The following GRM8 variants were observed in gnomAD, a reference collection of about 807,000 sequenced individuals.
GRM8 encodes metabotropic glutamate receptor 8.
In GRM8, 47 loss-of-function variants were observed where a neutral mutation model predicts 87.2. The observed-to-expected ratio is 0.54, with a 90% confidence interval of 0.43 to 0.69. The LOEUF (loss-of-function observed/expected upper bound fraction) is 0.69, where lower values mean the gene tolerates loss of function less well. GRM8 is among the 30% of genes least tolerant of loss of function. GRM8 has a pLI of 0.00. For missense variants in GRM8, 1,019 were observed against 1,139.2 expected (o/e 0.89, Z 1.52); for synonymous variants, 396 against 404.5 (o/e 0.98, Z 0.25).
chr7:126,576,373 C>T (rs1359938418), intron 8 of GRM8, among the ~76,000 whole-genome samples: 2 of 152,134 alleles, frequency 1.3e-5, no homozygotes, highest in African/African-American at 2.4e-5. Context: ...ACCTCCACCT[C>T]CTGGCCTCAA....
chr7:127,210,115 A>G (rs533044113), intron 2 of GRM8, among the ~76,000 whole-genome samples: 1 of 152,356 alleles, frequency 6.6e-6, no homozygotes, highest in South Asian at 2.1e-4. Context: ...GTTAACCTAG[A>G]TAGGCAGAAT....
intron 9 of GRM8, among the ~76,000 whole-genome samples, chr7:126,477,822 T>C (rs988662051): frequency 6.6e-6 from 1 of 152,164 alleles, no homozygotes; most frequent in Admixed American, 6.6e-5. Flanking sequence ...TCTAACAAAT[T>C]CACACAAACT....
At chr7:127,071,447 G>A (rs1351803643) in intron 3 of GRM8, among the ~76,000 whole-genome samples, 2 of 152,154 alleles carry the variant, frequency 1.3e-5, no homozygotes, top group African/African-American at 4.8e-5. Context: ...CTTTGTGCAT[G>A]GATGTCATTA....
chr7:126,587,638 T>C (rs1796273468), intron 8 of GRM8, among the ~76,000 whole-genome samples: 1 of 130,156 alleles, frequency 7.7e-6, no homozygotes, highest in Admixed American at 9.3e-5. Context: ...TGAGAACACT[T>C]GGACACAGGA....
chr7:126,922,636 A>AGTGGAAGTGGGGATGATATGGT (rs1329154642), intron 3 of GRM8, among the ~76,000 whole-genome samples: 4 of 152,096 alleles, frequency 2.6e-5, no homozygotes, highest in Admixed American at 2.6e-4. Context: ...AAGGTCATTA[A>AGTGGAAGTGGGGATGATATGGT]GTGGAAGTGG....
intron 2 of GRM8, among the ~76,000 whole-genome samples, chr7:127,224,440 C>G (rs1797180826): frequency 6.6e-6 from 1 of 152,160 alleles, no homozygotes; most frequent in African/African-American, 2.4e-5. Context: ...ATCCAAAATT[C>G]TATATCCAGA....
At chr7:127,008,755 C>T (rs1044303682) in intron 3 of GRM8, among the ~76,000 whole-genome samples, 2 of 152,040 alleles carry the variant, frequency 1.3e-5, no homozygotes, top group Non-Finnish European at 2.9e-5. Context: ...GATTATAAAG[C>T]ATCAATCATT....
intron 7 of GRM8, among the ~76,000 whole-genome samples, chr7:126,671,661 T>C (rs530728670): frequency 3.1e-4 from 47 of 152,298 alleles, no homozygotes; most frequent in African/African-American, 1.1e-3. Flanking sequence ...TCTGGATCAA[T>C]AGTCTAGTTC....
chr7:127,170,493 C>A (rs969593634), intron 2 of GRM8, among the ~76,000 whole-genome samples: 1 of 152,142 alleles, frequency 6.6e-6, no homozygotes, highest in Non-Finnish European at 1.5e-5. Context: ...CTACTGAGTA[C>A]CTACCCACAG....
At chr7:126,838,252 GA>G (rs998763283) in intron 6 of GRM8, among the ~76,000 whole-genome samples, 178 of 151,532 alleles carry the variant, frequency 1.2e-3, no homozygotes, top group African/African-American at 4.2e-3. Context: ...CATCTTGGGG[GA>G]AAAAAAAGAC....
intron 2 of GRM8, among the ~76,000 whole-genome samples, chr7:127,177,413 A>G (rs1295236527): frequency 2.6e-5 from 4 of 152,048 alleles, no homozygotes; most frequent in African/African-American, 9.7e-5. Flanking sequence ...TTCCCTATCC[A>G]CCCTGGAAAC....
intron 9 of GRM8, among the ~76,000 whole-genome samples, chr7:126,485,038 C>T (rs900664900): frequency 2.0e-5 from 3 of 152,000 alleles, no homozygotes; most frequent in African/African-American, 7.2e-5. Context: ...AGTTGGTTAT[C>T]AGACTAACTC....
At chr7:126,521,745 T>C (rs1813016004) in intron 9 of GRM8, among the ~76,000 whole-genome samples, 1 of 152,176 alleles carries the variant, frequency 6.6e-6, no homozygotes, top group Non-Finnish European at 1.5e-5. Flanking sequence ...CATTGTAATA[T>C]AAAATCCATT....
At chr7:126,732,352 C>T (rs1813699454) in intron 7 of GRM8, among the ~76,000 whole-genome samples, 1 of 152,062 alleles carries the variant, frequency 6.6e-6, no homozygotes, top group African/African-American at 2.4e-5. Context: ...CAGCAAATAT[C>T]TCTAAGTCAT....
rs533592743 is a variant in GRM8, at chr7:126,667,448, T to A, written c.1358-57950A>T. 5.3e-5 allele frequency among the ~76,000 whole-genome samples: 8 copies of A among 152,316 alleles called. No individual in the cohort carries two copies. The South Asian group carries it at 1.5e-3, about 28-fold the overall frequency. On this transcript the variant is annotated intron_variant, in intron 7 of 10. Transcript: ENST00000339582. ...TTGCTTGAGTAGTCTTTCTTTGTAA[T>A]TTTAGAAGGAAAATGTGCCAATTAT...
chr7:126,533,143 G>T lies in GRM8; in HGVS notation c.2239C>A (p.Leu747Ile), dbSNP rs1815124397. Reference sequence around the variant, plus strand: ...TATCCAAGTGAACAAATGAGTGAGAGATCAGAAATGTCACACTTGAGCACT... The same window carrying T: ...TATCCAAGTGAACAAATGAGTGAGATATCAGAAATGTCACACTTGAGCACT... ...RGVLKCDISD[L>I]SLICSLGYSI... The change falls in exon 9 of 11, where the codon CTC (leucine) becomes ATC (isoleucine). Residue 747 changes from leucine to isoleucine, a missense_variant. Transcript: ENST00000339582. 1 of 1,612,542 alleles carries T rather than the reference G, an allele frequency of 6.2e-7. No homozygotes were observed. The highest frequency in any genetic ancestry group is 1.7e-5 in the Admixed American group (1 of 59,740).
At chr7:126,894,547 C>T (rs909404924) in intron 6 of GRM8, among the ~76,000 whole-genome samples, 17 of 152,002 alleles carry the variant, frequency 1.1e-4, no homozygotes, top group African/African-American at 4.1e-4. Flanking sequence ...TATTTACGTA[C>T]TCGAAATTTT....
chr7:126,992,806 CGTGTGT>C (rs34876222), intron 3 of GRM8, among the ~76,000 whole-genome samples: 2 of 147,328 alleles, frequency 1.4e-5, no homozygotes, highest in African/African-American at 5.0e-5. Flanking sequence ...TCTCTCTCTC[CGTGTGT>C]GTGTGTGTGT....
chr7:127,137,206 C>T (rs1306285649), intron 2 of GRM8, among the ~76,000 whole-genome samples: 2 of 151,610 alleles, frequency 1.3e-5, no homozygotes, highest in Non-Finnish European at 2.9e-5. Flanking sequence ...CATACACATG[C>T]ATAAACATAC....
Sources: gnomAD v4.1 joint callset for allele counts (sites outside exome capture counted in the v4.1 genomes callset) on GRCh38, gnomAD v4.1.1 for gene constraint, MANE v1.5 for transcripts, NCBI Gene and HGNC (gene_info 2026-07-23, HGNC 2026-07-21) for gene names.